ZFPM2: variants seen among roughly 807,000 people sequenced by gnomAD.
ZFPM2 encodes the protein zinc finger protein ZFPM2.
ZFPM2 carries 20 observed loss-of-function variants against 98.6 expected under a neutral mutation model. That is an observed-to-expected ratio of 0.20 (90% CI 0.14 to 0.29). The LOEUF is 0.29. ZFPM2 is among the 10% of genes least tolerant of loss of function. The pLI is 1.00. For synonymous variants in ZFPM2, 518 were observed against 502.7 expected (o/e 1.03, Z -0.41); for missense variants, 1,310 against 1,388.6 (o/e 0.94, Z 0.90).
chr8:105,357,929 C>G (rs1812779037), intron 1 of ZFPM2, among the ~76,000 whole-genome samples: 2 of 152,064 alleles, frequency 1.3e-5, no homozygotes. Flanking sequence ...AGCATTTTGC[C>G]ACTCTATTAG....
intron 3 of ZFPM2, among the ~76,000 whole-genome samples, chr8:105,518,680 G>A (rs778066254): frequency 1.3e-5 from 2 of 152,166 alleles, no homozygotes; most frequent in African/African-American, 2.4e-5. Context: ...TAATTGTTAT[G>A]AAGGAAAATA....
chr8:105,651,801 A>C (rs1817184301), intron 5 of ZFPM2, among the ~76,000 whole-genome samples: 1 of 152,228 alleles, frequency 6.6e-6, no homozygotes, highest in South Asian at 2.1e-4. Flanking sequence ...ATCATTCAAC[A>C]GAATAAACTC....
At chr8:105,704,008 A>G (rs1193956852) in intron 5 of ZFPM2, among the ~76,000 whole-genome samples, 2 of 152,090 alleles carry the variant, frequency 1.3e-5, no homozygotes, top group Non-Finnish European at 2.9e-5. Context: ...CAGGTAATAA[A>G]TCCTGAGTTC....
At chr8:105,414,353 T>C (rs1208402962) in intron 1 of ZFPM2, among the ~76,000 whole-genome samples, 1 of 152,048 alleles carries the variant, frequency 6.6e-6, no homozygotes, top group Non-Finnish European at 1.5e-5. Context: ...TAGATGCTTC[T>C]TATTCTGAAG....
intron 4 of ZFPM2, among the ~76,000 whole-genome samples, chr8:105,564,249 A>G (rs898802912): frequency 5.9e-5 from 9 of 151,956 alleles, no homozygotes; most frequent in African/African-American, 2.2e-4. Context: ...TTTATCAACA[A>G]TTGGGTAATG....
intron 5 of ZFPM2, among the ~76,000 whole-genome samples, chr8:105,663,888 A>C (rs1471774895): frequency 6.6e-6 from 1 of 152,228 alleles, no homozygotes; most frequent in African/African-American, 2.4e-5. Context: ...TTGAAAGGCA[A>C]AGGTAATTAT....
intron 4 of ZFPM2, among the ~76,000 whole-genome samples, chr8:105,588,127 GT>G (rs1015263390): frequency 1.6e-4 from 25 of 151,992 alleles, no homozygotes; most frequent in African/African-American, 6.0e-4. Context: ...ATAAAATATT[GT>G]TTGAATTTGA....
intron 3 of ZFPM2, among the ~76,000 whole-genome samples, chr8:105,524,072 C>T (rs1489802912): frequency 6.6e-6 from 1 of 152,128 alleles, no homozygotes; most frequent in Non-Finnish European, 1.5e-5. Context: ...TACTCATAGC[C>T]TCTAAACACA....
chr8:105,400,423 C>T lies in ZFPM2; in HGVS notation c.41-18721C>T, dbSNP rs141391710. Among the ~76,000 whole-genome samples the T allele has an allele frequency of 9.3e-3, 1,417 of 152,174 alleles. 18 individuals are homozygous for T. The highest frequency in any genetic ancestry group is 0.032 in the African/African-American group (1,345 of 41,520). ...TGCTATCCCTCCCCACTCCCCCTACCCCACAACAGTCCCCAGAGTGTGATA... is the reference window on the plus strand; with the variant it reads ...TGCTATCCCTCCCCACTCCCCCTACTCCACAACAGTCCCCAGAGTGTGATA... On this transcript the variant is annotated intron_variant, in intron 1 of 7. Transcript: ENST00000407775.
chr8:105,473,800 G>A (rs112040262), intron 3 of ZFPM2, among the ~76,000 whole-genome samples: 2,090 of 152,274 alleles, frequency 0.014, 45 homozygotes, highest in African/African-American at 0.048. Flanking sequence ...ATATGCAAAT[G>A]TGTGTTAATA....
Position 105,788,872 on chromosome 8 carries a change from G to T in ZFPM2, c.687G>T (p.Leu229=). 1.2e-6 allele frequency: 2 copies of T among 1,613,786 alleles called. No homozygotes were observed. The highest frequency in any genetic ancestry group is 1.7e-6 in the Non-Finnish European group (2 of 1,179,850). The change falls in exon 6 of 8, where the codon CTG becomes CTT. Residue 229 remains leucine, a synonymous_variant. Coordinates refer to ENST00000407775, the MANE Select transcript of ZFPM2 (RefSeq NM_012082.4). ...CACGCCTGCTGGACTCAATTCAGCTGCTTCCTCAGCAAGCTGCCATGGCTT... is the reference window on the plus strand; with the variant it reads ...CACGCCTGCTGGACTCAATTCAGCTTCTTCCTCAGCAAGCTGCCATGGCTT... The part of the protein sequence containing the change: ...YPARLLDSIQ[L]LPQQAAMASI...
At chr8:105,400,278 T>G (rs1811311859) in intron 1 of ZFPM2, among the ~76,000 whole-genome samples, 1 of 152,004 alleles carries the variant, frequency 6.6e-6, no homozygotes, top group South Asian at 2.1e-4. Context: ...TTTTTTTTAT[T>G]ATACTTTAAG....
At chr8:105,709,018 G>C (rs1040211745) in intron 5 of ZFPM2, among the ~76,000 whole-genome samples, 3 of 152,112 alleles carry the variant, frequency 2.0e-5, no homozygotes, top group African/African-American at 7.2e-5. Context: ...AAAATTTGGA[G>C]CTCAAAGCAT....
At chr8:105,791,549 C>G (rs1177801130) in intron 6 of ZFPM2, among the ~76,000 whole-genome samples, 1 of 152,064 alleles carries the variant, frequency 6.6e-6, no homozygotes, top group African/African-American at 2.4e-5. Context: ...GTCTAAAATT[C>G]TCTTTTTTGG....
At chr8:105,529,776 G>A (rs1347434338) in intron 3 of ZFPM2, among the ~76,000 whole-genome samples, 1 of 151,822 alleles carries the variant, frequency 6.6e-6, no homozygotes, top group Non-Finnish European at 1.5e-5. Context: ...TGTCTCCTGG[G>A]CTGGAGTGCA....
Position 105,788,931 on chromosome 8 carries a change from G to T in ZFPM2, c.739+7G>T. ...CCCACAGCTATTGTCAATAGTAAGT[G>T]CTCAGTGCTGTGTAGCCCAGCTTTA... is the stretch of plus-strand genomic sequence containing the variant. On this transcript the variant is annotated splice_region_variant and intron_variant, in intron 6 of 7. Coordinates refer to ENST00000407775, the MANE Select transcript of ZFPM2 (RefSeq NM_012082.4). 1 of 1,611,390 alleles carries T rather than the reference G, an allele frequency of 6.2e-7. No homozygotes were observed. The highest frequency in any genetic ancestry group is 8.5e-7 in the Non-Finnish European group (1 of 1,178,164).
intron 6 of ZFPM2, among the ~76,000 whole-genome samples, chr8:105,793,238 C>G (rs1290421975): frequency 6.6e-6 from 1 of 152,028 alleles, no homozygotes; most frequent in Non-Finnish European, 1.5e-5. Flanking sequence ...TGTTCCTTTC[C>G]ATGTTTAGTG....
intron 5 of ZFPM2, among the ~76,000 whole-genome samples, chr8:105,638,070 A>T (rs1021938100): frequency 6.7e-6 from 1 of 148,322 alleles, no homozygotes; most frequent in Non-Finnish European, 1.5e-5. Context: ...CTTTGTCCCC[A>T]AACTCTCTCT....
In ZFPM2 at chr8:105,625,961, C is replaced by G. The variant is rs1816645155; in HGVS notation, c.421-8285C>G. On this transcript the variant is annotated intron_variant, in intron 4 of 7. Coordinates refer to ENST00000407775, the MANE Select transcript of ZFPM2 (RefSeq NM_012082.4). ...TGTTTATGTAGTTTAAAATGACACT[C>G]TATTTTCTGGAAAAAAAAAAAAGAG... is the stretch of plus-strand genomic sequence containing the variant. Among the ~76,000 whole-genome samples, 4 of 140,946 alleles carry G rather than the reference C, an allele frequency of 2.8e-5. No individual in the cohort carries two copies. The Admixed American group carries it at 2.9e-4, about 10-fold the overall frequency. The allele number at this position is 140,946 out of a possible 152,430, so 92.5% of individuals were successfully genotyped here.
Sources: allele counts gnomAD v4.1 joint callset (sites outside exome capture counted in the v4.1 genomes callset), GRCh38; gene constraint gnomAD v4.1.1; transcripts MANE v1.5; gene names NCBI Gene and HGNC (gene_info 2026-07-23, HGNC 2026-07-21).